HS3ST4: variants seen among roughly 807,000 people sequenced by gnomAD.
The protein encoded by HS3ST4 is heparan sulfate glucosamine 3-O-sulfotransferase 4.
A neutral mutation model predicts 29.2 loss-of-function variants in HS3ST4; 17 were observed. That is an observed-to-expected ratio of 0.58 (90% CI 0.40 to 0.87). HS3ST4 has a LOEUF of 0.87. HS3ST4 is among the 40% of genes least tolerant of loss of function. HS3ST4 has a pLI of 0.00. For missense variants in HS3ST4, 627 were observed against 634.5 expected, an observed-to-expected ratio of 0.99 and a Z score of 0.13; for synonymous variants, 314 against 285.7, an observed-to-expected ratio of 1.10 and a Z score of -1.00.
chr16:25,887,717 A>G (rs1421650473), intron 1 of HS3ST4, among the ~76,000 whole-genome samples: 2 of 72,490 alleles, frequency 2.8e-5, no homozygotes, highest in Non-Finnish European at 2.4e-5. Flanking sequence ...TTTTTTTTTG[A>G]GATGGAGTCT....
intron 1 of HS3ST4, among the ~76,000 whole-genome samples, chr16:25,788,787 A>G (rs1596571066): frequency 6.6e-6 from 1 of 151,036 alleles, no homozygotes; most frequent in Admixed American, 6.6e-5. Flanking sequence ...CTGTCCTCCC[A>G]CCTCACCCCC....
At chr16:25,834,870 C>A (rs1295394329) in intron 1 of HS3ST4, among the ~76,000 whole-genome samples, 2 of 152,114 alleles carry the variant, frequency 1.3e-5, no homozygotes, top group African/African-American at 2.4e-5. Context: ...TCGCTTGAAC[C>A]TGGGAGGCAG....
chr16:25,815,409 C>T (rs1003817038), intron 1 of HS3ST4, among the ~76,000 whole-genome samples: 6 of 152,164 alleles, frequency 3.9e-5, no homozygotes, highest in African/African-American at 1.4e-4. Context: ...CTGCAACCTC[C>T]GCCTCCCAAG....
At chr16:25,822,596 G>C (rs1319262353) in intron 1 of HS3ST4, among the ~76,000 whole-genome samples, 1 of 152,180 alleles carries the variant, frequency 6.6e-6, no homozygotes, top group Non-Finnish European at 1.5e-5. Flanking sequence ...GGGAAAGCAA[G>C]GTTGCCCTCT....
intron 1 of HS3ST4, among the ~76,000 whole-genome samples, chr16:25,865,162 A>G (rs1247654868): frequency 6.6e-6 from 1 of 152,220 alleles, no homozygotes; most frequent in Non-Finnish European, 1.5e-5. Flanking sequence ...ATATATGCCC[A>G]GAAGTGAGAT....
intron 1 of HS3ST4, among the ~76,000 whole-genome samples, chr16:25,763,043 G>A (rs1040906116): frequency 6.6e-6 from 1 of 152,068 alleles, no homozygotes; most frequent in Non-Finnish European, 1.5e-5. Flanking sequence ...GGAAGCCAAA[G>A]AGCTGGTCTC....
intron 1 of HS3ST4, among the ~76,000 whole-genome samples, chr16:26,053,723 A>G (rs796942415): frequency 2.0e-5 from 3 of 152,266 alleles, no homozygotes; most frequent in African/African-American, 7.2e-5. Flanking sequence ...ATTTACCAAT[A>G]TATATATAAA....
intron 1 of HS3ST4, among the ~76,000 whole-genome samples, chr16:25,696,960 G>T (rs1966302397): frequency 6.6e-6 from 1 of 152,164 alleles, no homozygotes; most frequent in Non-Finnish European, 1.5e-5. Flanking sequence ...CTCCGAGAGG[G>T]TAAATGATTA....
chr16:25,710,266 C>G (rs1205194197), intron 1 of HS3ST4, among the ~76,000 whole-genome samples: 1 of 152,152 alleles, frequency 6.6e-6, no homozygotes, highest in East Asian at 1.9e-4. Context: ...TATTAGCACA[C>G]AAGGATATTT....
chr16:25,834,955 C>G (rs896701455), intron 1 of HS3ST4, among the ~76,000 whole-genome samples: 1 of 151,864 alleles, frequency 6.6e-6, no homozygotes, highest in Non-Finnish European at 1.5e-5. Flanking sequence ...TCAAAAAAAC[C>G]ACAAAACACA....
intron 1 of HS3ST4, among the ~76,000 whole-genome samples, chr16:25,932,881 G>A (rs141063179): frequency 2.6e-3 from 402 of 152,348 alleles, no homozygotes; most frequent in Middle Eastern, 6.8e-3. Context: ...CAGGGAAGGT[G>A]AAATTTAGGT....
chr16:25,916,608 C>T (rs12447027), intron 1 of HS3ST4, among the ~76,000 whole-genome samples: 6,221 of 151,872 alleles, frequency 0.041, 404 homozygotes, highest in Admixed American at 0.18. Flanking sequence ...ATGATCCGCC[C>T]GCCTTGGGCT....
intron 1 of HS3ST4, among the ~76,000 whole-genome samples, chr16:25,873,347 TATCCATCCATCCACCTAGCAAGCCATCCA>T (rs1967779630): frequency 7.9e-6 from 1 of 126,760 alleles, no homozygotes; most frequent in East Asian, 2.5e-4. Context: ...TTCATCCATC[TATCCATCCATCCACCTAGCAAGCCATCCA>T]GTCATCCATC....
chr16:25,744,258 T>C lies in HS3ST4; in HGVS notation c.734+51107T>C, dbSNP rs79206262. ...AACTAAGATCCTGGAGAGGTATAAC[T>C]TTTTAAATTCAGCCTGATTTCAGCT... On this transcript the variant is annotated intron_variant, in intron 1 of 1. Coordinates refer to ENST00000331351, the MANE Select transcript of HS3ST4 (RefSeq NM_006040.3). Among the ~76,000 whole-genome samples, 214 of 152,354 alleles carry C rather than the reference T, an allele frequency of 1.4e-3. 2 individuals are homozygous for C. The highest frequency in any genetic ancestry group is 4.9e-3 in the African/African-American group (203 of 41,586).
chr16:25,835,844 A>G (rs1221117529), intron 1 of HS3ST4, among the ~76,000 whole-genome samples: 3 of 152,342 alleles, frequency 2.0e-5, no homozygotes, highest in East Asian at 3.9e-4. Context: ...AACCATCTCT[A>G]TAAAAAGTCA....
At chr16:25,873,472 A>ATCTATCTC (rs201091421) in intron 1 of HS3ST4, among the ~76,000 whole-genome samples, 2 of 69,142 alleles carry the variant, frequency 2.9e-5, no homozygotes, top group Non-Finnish European at 5.8e-5. Flanking sequence ...CCACCCATCC[A>ATCTATCTC]TCTATCTCTC....
intron 1 of HS3ST4, among the ~76,000 whole-genome samples, chr16:25,816,000 AAAT>A (rs1413337479): frequency 6.6e-6 from 1 of 152,246 alleles, no homozygotes; most frequent in African/African-American, 2.4e-5. Context: ...CTAAAAATCA[AAAT>A]AATGATCTAA....
intron 1 of HS3ST4, among the ~76,000 whole-genome samples, chr16:25,798,423 G>A (rs1222971525): frequency 6.6e-6 from 1 of 152,202 alleles, no homozygotes; most frequent in African/African-American, 2.4e-5. Context: ...CAGGCTAATA[G>A]AGCTCCCCTC....
At chr16:25,982,037 CAG>C (rs67474696) in intron 1 of HS3ST4, among the ~76,000 whole-genome samples, 75,013 of 151,180 alleles carry the variant, frequency 0.5, 22,546 homozygotes, top group Non-Finnish European at 0.68. Flanking sequence ...CTGAGACACA[CAG>C]ACACACACAC....
Sources: allele counts gnomAD v4.1 joint callset (sites outside exome capture counted in the v4.1 genomes callset), GRCh38; gene constraint gnomAD v4.1.1; transcripts MANE v1.5; gene names NCBI Gene and HGNC (gene_info 2026-07-23, HGNC 2026-07-21).